Variants in TEX2 observed in about 807,000 individuals in gnomAD.
TEX2 encodes the protein testis expressed 2.
TEX2 carries 53 observed loss-of-function variants against 106.9 expected under a neutral mutation model. That is an observed-to-expected ratio of 0.50 (90% confidence interval 0.40 to 0.62). The LOEUF (loss-of-function observed/expected upper bound fraction) is 0.62, where lower values mean the gene tolerates loss of function less well. Among genes scored for constraint, TEX2 ranks in the 20% least tolerant of loss-of-function variants. The pLI is 0.00. For synonymous variants in TEX2, 523 were observed against 534.8 expected, an observed-to-expected ratio of 0.98 and a Z score of 0.30; for missense variants, 1,207 against 1,379.0, an observed-to-expected ratio of 0.88 and a Z score of 1.98.
Position 64,212,995 on chromosome 17 carries a change from G to A in TEX2, c.1223C>T (p.Ser408Phe), listed in dbSNP as rs144767742. 3.7e-6 allele frequency: 6 copies of A among 1,614,076 alleles called. No individual in the cohort carries two copies. In the African/African-American group the frequency reaches 4.0e-5, roughly 11 times the overall value. ...SSLVLEKCSL[S>F]ALVSKEDEEF... Reference sequence around the variant, plus strand: ...TTCATCTTCTTTGCTCACTAAGGCAGACAAAGAACATTTCTCCAGAACTAG... The same window carrying A: ...TTCATCTTCTTTGCTCACTAAGGCAAACAAAGAACATTTCTCCAGAACTAG... The change falls in exon 2 of 12, where the codon TCT (serine) becomes TTT (phenylalanine). Residue 408 changes from serine to phenylalanine, a missense_variant. Ser to Phe is a radical substitution (Grantham distance 155, BLOSUM62 -2). Around this residue, in one of 3 missense-constraint regions of TEX2, gnomAD observed 1,067 missense variants for 1,193.6 expected, o/e 0.89. Coordinates refer to ENST00000584379, the MANE Select transcript of TEX2 (RefSeq NM_001288732.2).
intron 5 of TEX2, among the ~76,000 whole-genome samples, chr17:64,181,885 C>A (rs1215762500): frequency 6.6e-6 from 1 of 150,404 alleles, no homozygotes; most frequent in African/African-American, 2.5e-5. Context: ...ATTTTTCCAT[C>A]CTTCCATAGC....
rs782820577 is a variant in TEX2 at position 64,214,092 on chromosome 17, G to T, written c.126C>A (p.Gly42=). The change falls in exon 2 of 12, where the codon GGC becomes GGA. Residue 42 remains glycine, a synonymous_variant. Transcript: ENST00000584379. The stretch of plus-strand genomic sequence containing the variant: ...CCTCCTCCTCTTCCTCCTCCTCCTC[G>T]CCGGATGCCGAGAAGTGAATGGCGA... ...DTIAIHFSAS[G]EEEEEEEEEF... 6.2e-7 allele frequency: 1 copy of T among 1,614,056 alleles called. No homozygotes were observed.
chr17:64,231,646 G>A (rs1262760192), intron 1 of TEX2, among the ~76,000 whole-genome samples: 2 of 152,206 alleles, frequency 1.3e-5, no homozygotes, highest in Admixed American at 1.3e-4. Flanking sequence ...AGATTCTGAA[G>A]GGAGGTGAGA....
At chr17:64,256,672 A>C (rs1434688451) in intron 1 of TEX2, among the ~76,000 whole-genome samples, 1 of 152,112 alleles carries the variant, frequency 6.6e-6, no homozygotes, top group Non-Finnish European at 1.5e-5. Context: ...TGTTGTCTAG[A>C]CTAGATAATG....
intron 10 of TEX2, among the ~76,000 whole-genome samples, chr17:64,151,716 G>C (rs1052547233): frequency 3.3e-5 from 5 of 152,134 alleles, no homozygotes; most frequent in African/African-American, 4.8e-5. Context: ...GCATGCCTTG[G>C]GTAGCACTAT....
At chr17:64,215,936 G>A (rs2033174121) in intron 1 of TEX2, among the ~76,000 whole-genome samples, 1 of 152,186 alleles carries the variant, frequency 6.6e-6, no homozygotes, top group Non-Finnish European at 1.5e-5. Context: ...ATCACTAGAA[G>A]GAGGAAATAT....
intron 1 of TEX2, among the ~76,000 whole-genome samples, chr17:64,237,301 G>T (rs1179510247): frequency 6.6e-6 from 1 of 152,044 alleles, no homozygotes; most frequent in Non-Finnish European, 1.5e-5. Context: ...TATACACACA[G>T]TATGAGACAG....
rs1186975897 is a variant in TEX2 at position 64,204,224 on chromosome 17, CAT to C, written c.1644+8348_1644+8349del. Among the ~76,000 whole-genome samples the C allele has an allele frequency of 3.2e-4, 49 of 152,310 alleles. 1 individual carries two copies. The highest frequency in any genetic ancestry group is 1.1e-3 in the African/African-American group (47 of 41,566). Reference sequence around the variant, plus strand: ...ATATACTTTACTTATAATTTATACACATGTCCCAATATATACAGCTTTTATAT... The same window carrying C: ...ATATACTTTACTTATAATTTATACACGTCCCAATATATACAGCTTTTATAT... On this transcript the variant is annotated intron_variant, in intron 2 of 11. Coordinates refer to ENST00000584379, the MANE Select transcript of TEX2 (RefSeq NM_001288732.2).
In TEX2 at chr17:64,193,457, G is replaced by A. The variant is rs112664828; in HGVS notation, c.2176+102C>T. 1,998 of 945,918 alleles carry A rather than the reference G, an allele frequency of 2.1e-3. 27 individuals are homozygous for A. In the African/African-American group the frequency reaches 0.032, roughly 15 times the overall value. The allele number at this position is 945,918 out of a possible 1,614,324, so 58.6% of individuals were successfully genotyped here. ...TAGGTGGCAGACAACCATCAGTTCA[G>A]GGTGGGCTTCCTTCCTTCCTTCCTT... On this transcript the variant is annotated intron_variant, in intron 4 of 11. Transcript: ENST00000584379.
chr17:64,148,886 C>G lies in TEX2; in HGVS notation c.*83G>C. The G allele has an allele frequency of 6.5e-7, 1 of 1,530,798 alleles. No individual in the cohort carries two copies. Among genetic ancestry groups the G allele is most frequent in the Non-Finnish European group, 8.9e-7 (1 of 1,121,694 alleles). The allele number at this position is 1,530,798 out of a possible 1,614,324, so 94.8% of individuals were successfully genotyped here. On this transcript the variant is annotated 3_prime_UTR_variant, in exon 12 of 12. Coordinates refer to ENST00000584379, the MANE Select transcript of TEX2 (RefSeq NM_001288732.2). ...AGAAACAGTAGCTGTGGCACAGAGG[C>G]CAGTGCTACAGTACAGATGGCGGCC... is the stretch of plus-strand genomic sequence containing the variant.
At chr17:64,193,108 A>G (rs972116577) in intron 4 of TEX2, among the ~76,000 whole-genome samples, 2 of 152,226 alleles carry the variant, frequency 1.3e-5, no homozygotes, top group East Asian at 1.9e-4. Flanking sequence ...ATGGTTATCA[A>G]TCCGAATGAC....
chr17:64,169,519 T>C (rs1467757545), intron 7 of TEX2, among the ~76,000 whole-genome samples: 1 of 152,222 alleles, frequency 6.6e-6, no homozygotes, highest in African/African-American at 2.4e-5. Flanking sequence ...CATGCAGGAA[T>C]TAGATGGACT....
At chr17:64,227,172 G>C (rs1362122946) in intron 1 of TEX2, among the ~76,000 whole-genome samples, 4 of 150,964 alleles carry the variant, frequency 2.6e-5, no homozygotes, top group African/African-American at 9.7e-5. Flanking sequence ...GTTACAGTGA[G>C]CTGAGATCCT....
chr17:64,227,032 C>A (rs1174956464), intron 1 of TEX2, among the ~76,000 whole-genome samples: 1 of 151,934 alleles, frequency 6.6e-6, no homozygotes, highest in Non-Finnish European at 1.5e-5. Context: ...TCGAGACCAT[C>A]TGGGCCAACA....
intron 4 of TEX2, among the ~76,000 whole-genome samples, chr17:64,189,854 G>C (rs988361019): frequency 6.6e-6 from 1 of 151,944 alleles, no homozygotes; most frequent in Non-Finnish European, 1.5e-5. Flanking sequence ...ATGGTGGCCT[G>C]TACCTGTAGT....
chr17:64,211,312 G>A (rs782196861), intron 2 of TEX2, among the ~76,000 whole-genome samples: 1 of 152,078 alleles, frequency 6.6e-6, no homozygotes, highest in Non-Finnish European at 1.5e-5. Context: ...ACCTCTCTCA[G>A]AGCCTGAATC....
chr17:64,180,580 G>C (rs1332854322), intron 5 of TEX2, among the ~76,000 whole-genome samples: 1 of 152,202 alleles, frequency 6.6e-6, no homozygotes, highest in East Asian at 1.9e-4. Context: ...AAAAATTTAA[G>C]AGTTTAAAGA....
At chr17:64,254,868 G>C (rs182920961) in intron 1 of TEX2, among the ~76,000 whole-genome samples, 3 of 152,098 alleles carry the variant, frequency 2.0e-5, no homozygotes, top group African/African-American at 7.2e-5. Flanking sequence ...TTTTTTGTTT[G>C]TTTGATTTTT....
At chr17:64,151,236 G>A (rs2030339002) in intron 10 of TEX2, among the ~76,000 whole-genome samples, 1 of 152,054 alleles carries the variant, frequency 6.6e-6, no homozygotes, top group African/African-American at 2.4e-5. Flanking sequence ...CCTGGGCATT[G>A]GTTTCTGTTT....
Sources: allele counts gnomAD v4.1 joint callset (sites outside exome capture counted in the v4.1 genomes callset), GRCh38; gene constraint gnomAD v4.1.1; regional missense constraint gnomAD v4.1.1; transcripts MANE v1.5; gene names NCBI Gene and HGNC (gene_info 2026-07-23, HGNC 2026-07-21).